Variants in HERC4 observed in about 807,000 individuals in gnomAD.
HERC4 encodes probable E3 ubiquitin-protein ligase HERC4.
HERC4 carries 28 observed loss-of-function variants against 124.3 expected under a neutral mutation model. That is an observed-to-expected ratio of 0.23 (90% CI 0.17 to 0.31). HERC4 has a LOEUF of 0.31. Among genes scored for constraint, HERC4 ranks in the 10% least tolerant of loss-of-function variants. HERC4 has a pLI of 1.00. For missense variants in HERC4, 713 were observed against 1,229.3 expected, an observed-to-expected ratio of 0.58 and a Z score of 6.28; for synonymous variants, 407 against 421.5, an observed-to-expected ratio of 0.97 and a Z score of 0.42.
intron 19 of HERC4, among the ~76,000 whole-genome samples, chr10:67,946,346 CAA>C (rs1491567128): frequency 9.1e-5 from 10 of 110,150 alleles, no homozygotes; most frequent in African/African-American, 1.2e-4. Flanking sequence ...GGATAAAACA[CAA>C]ACACACACAC....
intron 4 of HERC4, 92 bp downstream of exon 4, chr10:68,044,312 C>T: frequency 8.0e-7 from 1 of 1,251,206 alleles, no homozygotes; most frequent in East Asian, 2.6e-5. Context: ...GAGATGTCAA[C>T]TCTTACAGGC....
chr10:67,956,879 T>C lies in HERC4; in HGVS notation c.2024A>G (p.Gln675Arg). Residue 675 changes from glutamine to arginine, a missense_variant and splice_region_variant, in exon 17 of 25, where the codon CAG (glutamine) becomes CGG (arginine). Physicochemically the swap from Gln to Arg is conservative, Grantham distance 43 (BLOSUM62 1). Coordinates refer to ENST00000373700, the MANE Select transcript of HERC4 (RefSeq NM_015601.4). ...AAACCCTCTCAAATAATATTTTACC[T>C]GCATCTGTAAGACTGCATCGGTCTG... ...LLQTDAVLQM[Q>R]MAIDQAHRQN... is the part of the protein sequence containing the mutation. The C allele has an allele frequency of 6.5e-7, 1 of 1,538,052 alleles. No individual in the cohort carries two copies. The highest frequency in any genetic ancestry group is 8.8e-7 in the Non-Finnish European group (1 of 1,139,996).
chr10:67,948,523 A>T (rs532057709), intron 19 of HERC4, among the ~76,000 whole-genome samples: 1 of 152,346 alleles, frequency 6.6e-6, no homozygotes, highest in South Asian at 2.1e-4. Flanking sequence ...ATAAAAAAAC[A>T]GTAGATGTTG....
intron 24 of HERC4, 63 bp downstream of exon 24, chr10:67,925,022 T>C: frequency 1.1e-6 from 1 of 904,140 alleles, no homozygotes; most frequent in Non-Finnish European, 1.7e-6. Context: ...AAACAGGGCT[T>C]TGGAATAATA....
chr10:67,962,205 T>C (rs1421746792), intron 16 of HERC4, among the ~76,000 whole-genome samples: 1 of 133,322 alleles, frequency 7.5e-6, no homozygotes, highest in Admixed American at 8.0e-5. Context: ...TTATTACTAC[T>C]AAGAAAGTTT....
intron 15 of HERC4, among the ~76,000 whole-genome samples, chr10:67,971,235 T>C (rs1326757142): frequency 6.6e-6 from 1 of 152,088 alleles, no homozygotes; most frequent in Non-Finnish European, 1.5e-5. Context: ...ATAATACCAA[T>C]CTTAATCAAA....
At chr10:67,940,016 C>T (rs541080448) in intron 20 of HERC4, among the ~76,000 whole-genome samples, 61 of 151,564 alleles carry the variant, frequency 4.0e-4, no homozygotes, top group Non-Finnish European at 6.0e-4. Context: ...AACCTCTGCC[C>T]CCTGGGTTTT....
intron 8 of HERC4, among the ~76,000 whole-genome samples, chr10:68,015,542 T>C (rs751595759): frequency 4.6e-5 from 7 of 152,216 alleles, no homozygotes; most frequent in Non-Finnish European, 1.0e-4. Flanking sequence ...AAATTTCTTT[T>C]GTTTTTGCCA....
At chr10:68,007,588 A>C (rs1336231206) in intron 9 of HERC4, 4 of 152,118 alleles carry the variant, frequency 2.6e-5, no homozygotes, top group African/African-American at 9.7e-5. Flanking sequence ...ACTTGTTTGT[A>C]CCTGAACTTC....
chr10:67,993,524 T>C (rs1159188108), intron 9 of HERC4: 2 of 137,506 alleles, frequency 1.5e-5, no homozygotes, highest in Middle Eastern at 3.5e-3. Flanking sequence ...GACCCATCTC[T>C]AAAAAAAAAA....
chr10:68,055,755 C>CT (rs201966338), intron 3 of HERC4, among the ~76,000 whole-genome samples: 15,727 of 142,990 alleles, frequency 0.11, 869 homozygotes, highest in South Asian at 0.15. Flanking sequence ...TTACAATATC[C>CT]TTTTTTTTTT....
At chr10:68,014,558 G>T (rs1302661026) in intron 8 of HERC4, among the ~76,000 whole-genome samples, 2 of 152,154 alleles carry the variant, frequency 1.3e-5, no homozygotes, top group African/African-American at 2.4e-5. Context: ...TGTGGTCTAT[G>T]AAAGTCCTCC....
intron 3 of HERC4, among the ~76,000 whole-genome samples, chr10:68,050,217 C>T (rs909845463): frequency 4.6e-5 from 7 of 151,946 alleles, no homozygotes; most frequent in African/African-American, 1.7e-4. Flanking sequence ...AACTAACAAG[C>T]GTAGTTACTT....
At chr10:68,056,490 C>T (rs553297396) in intron 3 of HERC4, among the ~76,000 whole-genome samples, 29 of 152,090 alleles carry the variant, frequency 1.9e-4, no homozygotes, top group South Asian at 8.3e-4. Flanking sequence ...GGGAAGACAG[C>T]GATGCAATTT....
At chr10:67,923,247 T>A in intron 24 of HERC4, 108 bp from the exon 25 acceptor site, 1 of 746,438 alleles carries the variant, frequency 1.3e-6, no homozygotes, top group Non-Finnish European at 2.2e-6. Flanking sequence ...ACATCTGCTC[T>A]AACGTGTTAT....
At chr10:67,960,748 G>A (rs1202420711) in intron 16 of HERC4, 2 of 214,380 alleles carry the variant, frequency 9.3e-6, no homozygotes, top group African/African-American at 2.4e-5. Context: ...TATAACCTTA[G>A]CACCTGTCAC....
intron 8 of HERC4, among the ~76,000 whole-genome samples, chr10:68,023,988 G>A (rs1033329541): frequency 6.6e-6 from 1 of 152,062 alleles, no homozygotes; most frequent in Non-Finnish European, 1.5e-5. Context: ...TAAAACTTCT[G>A]TTCATTGAAA....
At chr10:68,062,043 GAATT>G (rs1477057770) in intron 3 of HERC4, among the ~76,000 whole-genome samples, 1 of 152,008 alleles carries the variant, frequency 6.6e-6, no homozygotes, top group African/African-American at 2.4e-5. Context: ...TATTGTTAAT[GAATT>G]ATTAATTACT....
intron 22 of HERC4, among the ~76,000 whole-genome samples, chr10:67,934,198 A>G (rs1413616379): frequency 2.0e-5 from 3 of 152,106 alleles, no homozygotes; most frequent in Non-Finnish European, 4.4e-5. Context: ...TACATCTATT[A>G]TATTTATATA....
Sources: gnomAD v4.1 joint callset for allele counts (sites outside exome capture counted in the v4.1 genomes callset) on GRCh38, gnomAD v4.1.1 for gene constraint, MANE v1.5 for transcripts, NCBI Gene and HGNC (gene_info 2026-07-23, HGNC 2026-07-21) for gene names.